The following F13A1 variants were observed in gnomAD, a reference collection of about 807,000 sequenced individuals.
The protein encoded by F13A1 is FSF, A subunit.
Under a neutral mutation model 80.1 loss-of-function variants are expected in F13A1, and 47 were observed. The observed-to-expected ratio is 0.59, with a 90% CI of 0.46 to 0.75. The LOEUF (loss-of-function observed/expected upper bound fraction) is 0.75. F13A1 is among the 30% of genes least tolerant of loss of function. The pLI is 0.00. For missense variants in F13A1, 817 were observed against 930.4 expected, an observed-to-expected ratio of 0.88 and a Z score of 1.59; for synonymous variants, 349 against 344.9, an observed-to-expected ratio of 1.01 and a Z score of -0.13.
intron 3 of F13A1, among the ~76,000 whole-genome samples, chr6:6,272,597 T>C (rs556132198): frequency 6.6e-6 from 1 of 152,270 alleles, no homozygotes; most frequent in African/African-American, 2.4e-5. Flanking sequence ...GGCCATATCG[T>C]TAGGGAAACG....
At chr6:6,167,346 TGAGCAGGACA>T in intron 13 of F13A1, 102 bp downstream of exon 13, 1 of 824,364 alleles carries the variant, frequency 1.2e-6, no homozygotes, top group Non-Finnish European at 1.7e-6. Context: ...TTTTTTTTTT[TGAGCAGGACA>T]TTCATTCACA....
chr6:6,278,525 G>A lies in F13A1; in HGVS notation c.320-11716C>T, dbSNP rs1033645387. Among the ~76,000 whole-genome samples, 3 of 152,278 alleles carry A rather than the reference G, an allele frequency of 2.0e-5. 1 individual carries two copies. The highest frequency in any genetic ancestry group is 1.3e-4 in the Admixed American group (2 of 15,298). On this transcript the variant is annotated intron_variant, in intron 3 of 14. Transcript: ENST00000264870. ...AAACTGTGGGAGGTGAGGTATCTGA[G>A]CAGGGGAATTGGGGGAGGTATGATG...
At chr6:6,296,657 G>T (rs1758332924) in intron 3 of F13A1, among the ~76,000 whole-genome samples, 1 of 148,722 alleles carries the variant, frequency 6.7e-6, no homozygotes, top group Non-Finnish European at 1.5e-5. Flanking sequence ...CTGAGACAAT[G>T]GGGTTTTCTA....
At chr6:6,286,609 A>G (rs1758143342) in intron 3 of F13A1, among the ~76,000 whole-genome samples, 1 of 152,218 alleles carries the variant, frequency 6.6e-6, no homozygotes, top group Admixed American at 6.5e-5. Context: ...TGCTGCTAAC[A>G]TACTTTGGTG....
chr6:6,200,402 A>G (rs956751994), intron 8 of F13A1, among the ~76,000 whole-genome samples: 6 of 152,032 alleles, frequency 3.9e-5, no homozygotes, highest in African/African-American at 1.2e-4. Flanking sequence ...CCCTGTCTCT[A>G]TTAAAGTTAA....
intron 8 of F13A1, among the ~76,000 whole-genome samples, chr6:6,208,589 C>T (rs938883689): frequency 2.0e-5 from 3 of 152,126 alleles, no homozygotes; most frequent in African/African-American, 7.2e-5. Context: ...AAGATATCTA[C>T]ACTTAGACAC....
intron 13 of F13A1, among the ~76,000 whole-genome samples, chr6:6,158,918 T>TTCC (rs10668357): frequency 1.4e-5 from 2 of 146,760 alleles, no homozygotes; most frequent in Admixed American, 6.8e-5. Context: ...TTTTTTTTTT[T>TTCC]CGAGACGGAG....
chr6:6,309,005 T>A (rs1413880651), intron 2 of F13A1, among the ~76,000 whole-genome samples: 1 of 152,202 alleles, frequency 6.6e-6, no homozygotes, highest in Non-Finnish European at 1.5e-5. Context: ...TTTCTTCTGT[T>A]TAGTTCGATA....
rs563677538 is a variant in F13A1 at position 6,170,428 on chromosome 6, G to A, written c.1748-2810C>T. On this transcript the variant is annotated intron_variant, in intron 12 of 14. Transcript: ENST00000264870. ...CAGTGCTTCTGAAATAGTATGTTAT[G>A]TAAGTGCTGTGTTTTGCCACTGCAC... Among the ~76,000 whole-genome samples, 34 of 152,320 alleles carry A rather than the reference G, an allele frequency of 2.2e-4. No individual in the cohort carries two copies. The South Asian group carries it at 6.2e-3, about 28-fold the overall frequency.
At chr6:6,199,638 A>G (rs1761356872) in intron 8 of F13A1, among the ~76,000 whole-genome samples, 1 of 152,204 alleles carries the variant, frequency 6.6e-6, no homozygotes, top group Admixed American at 6.5e-5. Context: ...ACACTGACCT[A>G]TGATATAGGT....
At chr6:6,313,955 C>G (rs1266498855) in intron 2 of F13A1, among the ~76,000 whole-genome samples, 1 of 151,122 alleles carries the variant, frequency 6.6e-6, no homozygotes, top group Non-Finnish European at 1.5e-5. Flanking sequence ...AGCTTCCAAA[C>G]ATATCTCCTG....
chr6:6,191,337 C>T (rs1049085080), intron 10 of F13A1, among the ~76,000 whole-genome samples: 6 of 152,154 alleles, frequency 3.9e-5, no homozygotes, highest in Admixed American at 1.3e-4. Context: ...ACATTTACGG[C>T]TAATTTTTCT....
intron 12 of F13A1, among the ~76,000 whole-genome samples, chr6:6,170,574 A>C (rs752234161): frequency 6.6e-6 from 1 of 152,242 alleles, no homozygotes; most frequent in East Asian, 1.9e-4. Context: ...GGGAAAGCCA[A>C]GGGAGACACA....
At chr6:6,235,438 T>C (rs1380752633) in intron 6 of F13A1, among the ~76,000 whole-genome samples, 1 of 151,898 alleles carries the variant, frequency 6.6e-6, no homozygotes, top group African/African-American at 2.4e-5. Flanking sequence ...TGAAACTCAA[T>C]AGTAAGAAAA....
In F13A1 at chr6:6,222,106, C is replaced by T. The variant is rs770726002; in HGVS notation, c.1039G>A (p.Ala347Thr). Residue 347 changes from alanine to threonine, a missense_variant, in exon 8 of 15, where the codon GCC becomes ACC. Transcript: ENST00000264870. ...TNYFSAHDND[A>T]NLQMDIFLEE... is the part of the protein sequence containing the mutation. ...AGGAAGATGTCCATTTGCAAATTGG[C>T]ATCATTATCATGGGCAGAGAAATAA... 6.2e-7 allele frequency: 1 copy of T among 1,614,054 alleles called. No homozygotes were observed. Among genetic ancestry groups the T allele is most frequent in the Admixed American group, 1.7e-5 (1 of 60,012 alleles).
chr6:6,316,696 G>A (rs1333826352), intron 2 of F13A1, among the ~76,000 whole-genome samples: 1 of 152,114 alleles, frequency 6.6e-6, no homozygotes, highest in African/African-American at 2.4e-5. Flanking sequence ...GACCTTGCTG[G>A]GATATGATAA....
intron 3 of F13A1, among the ~76,000 whole-genome samples, chr6:6,289,753 T>C (rs1413270882): frequency 6.6e-6 from 1 of 152,168 alleles, no homozygotes; most frequent in Non-Finnish European, 1.5e-5. Context: ...TCTAAACTTC[T>C]TATCAAGTCA....
chr6:6,314,379 C>T (rs1758650722), intron 2 of F13A1, among the ~76,000 whole-genome samples: 1 of 152,148 alleles, frequency 6.6e-6, no homozygotes, highest in African/African-American at 2.4e-5. Context: ...GCAAGATCCC[C>T]AAGGCCTGGT....
At chr6:6,318,772 A>T (rs970726799) in intron 1 of F13A1, 90 bp from the exon 2 acceptor site, 4 of 1,406,206 alleles carry the variant, frequency 2.8e-6, no homozygotes, top group African/African-American at 1.4e-5. Flanking sequence ...AGAAACAGAT[A>T]TATCTGTGTG....
Sources: allele counts gnomAD v4.1 joint callset (sites outside exome capture counted in the v4.1 genomes callset), GRCh38; gene constraint gnomAD v4.1.1; transcripts MANE v1.5; gene names NCBI Gene and HGNC (gene_info 2026-07-23, HGNC 2026-07-21).